SCAPER: variants seen among roughly 807,000 people sequenced by gnomAD.
SCAPER encodes S-phase cyclin A associated protein in the ER.
SCAPER carries 98 observed loss-of-function variants against 182.2 expected under a neutral mutation model. The observed-to-expected ratio is 0.54, with a 90% CI of 0.46 to 0.64. The LOEUF is 0.64. Ranked by LOEUF, SCAPER falls within the 30% of genes least tolerant of loss-of-function variation. SCAPER has a pLI of 0.00. For synonymous variants in SCAPER, 605 were observed against 564.6 expected (o/e 1.07, Z -1.01); for missense variants, 1,432 against 1,690.0 (o/e 0.85, Z 2.68).
intron 15 of SCAPER, among the ~76,000 whole-genome samples, chr15:76,747,981 CT>C (rs34827480): frequency 0.57 from 79,459 of 139,862 alleles, 23,931 homozygotes; most frequent in African/African-American, 0.73. Context: ...TATGGATATT[CT>C]TTTTTTTTTT....
intron 21 of SCAPER, among the ~76,000 whole-genome samples, chr15:76,625,910 T>C (rs2052529302): frequency 6.6e-6 from 1 of 151,834 alleles, no homozygotes. Context: ...GTCCAATCTT[T>C]TGGCTTCCCT....
intron 29 of SCAPER, among the ~76,000 whole-genome samples, chr15:76,370,855 C>G (rs2042117596): frequency 1.3e-5 from 2 of 152,076 alleles, no homozygotes; most frequent in Non-Finnish European, 2.9e-5. Context: ...TATGAGTCTC[C>G]CTGAATAAGG....
intron 27 of SCAPER, among the ~76,000 whole-genome samples, chr15:76,389,450 G>A (rs1469718899): frequency 2.3e-5 from 3 of 130,940 alleles, no homozygotes; most frequent in Non-Finnish European, 3.1e-5. Flanking sequence ...GCAGTGAGCC[G>A]AGTTTGCATT....
intron 22 of SCAPER, among the ~76,000 whole-genome samples, chr15:76,577,447 A>AG (rs1347383105): frequency 4.6e-5 from 7 of 152,116 alleles, no homozygotes; most frequent in Non-Finnish European, 7.4e-5. Context: ...ACCCTGTTTC[A>AG]AAAAGAAGAA....
intron 26 of SCAPER, among the ~76,000 whole-genome samples, chr15:76,431,400 A>G (rs1033887220): frequency 1.3e-5 from 2 of 152,116 alleles, no homozygotes; most frequent in African/African-American, 4.8e-5. Context: ...TGAAACAAAT[A>G]AAATAATAAG....
At chr15:76,560,057 G>A (rs1392514957) in intron 23 of SCAPER, among the ~76,000 whole-genome samples, 1 of 151,692 alleles carries the variant, frequency 6.6e-6, no homozygotes, top group South Asian at 2.1e-4. Context: ...TTCCCACTGA[G>A]TTTTATTTTT....
intron 15 of SCAPER, among the ~76,000 whole-genome samples, chr15:76,737,576 G>A (rs1283759215): frequency 6.6e-6 from 1 of 152,212 alleles, no homozygotes; most frequent in Non-Finnish European, 1.5e-5. Context: ...GTCACCAGCT[G>A]CATTAGCTCC....
chr15:76,706,737 T>G (rs2059282254), intron 17 of SCAPER, among the ~76,000 whole-genome samples: 1 of 152,056 alleles, frequency 6.6e-6, no homozygotes, highest in African/African-American at 2.4e-5. Context: ...AGTAGCATCT[T>G]TCTACTTTTT....
At chr15:76,858,644 T>C (rs945905670) in intron 3 of SCAPER, among the ~76,000 whole-genome samples, 3 of 152,136 alleles carry the variant, frequency 2.0e-5, no homozygotes, top group African/African-American at 7.2e-5. Context: ...GTAGGCCCTG[T>C]TGTCTTTTGC....
chr15:76,368,083 T>C (rs967911550), intron 29 of SCAPER, among the ~76,000 whole-genome samples: 1 of 152,246 alleles, frequency 6.6e-6, no homozygotes, highest in African/African-American at 2.4e-5. Context: ...AGCTGAATGC[T>C]TGTGTGACAG....
At chr15:76,478,066 T>TA (rs1395017557) in intron 24 of SCAPER, among the ~76,000 whole-genome samples, 2 of 152,020 alleles carry the variant, frequency 1.3e-5, no homozygotes, top group Non-Finnish European at 2.9e-5. Context: ...TTGAATATTA[T>TA]AAAAATATTC....
intron 2 of SCAPER, among the ~76,000 whole-genome samples, chr15:76,866,273 A>G (rs1316074978): frequency 2.6e-5 from 4 of 151,980 alleles, no homozygotes; most frequent in Admixed American, 2.6e-4. Flanking sequence ...GTGTGTGTGT[A>G]TATCAGGTCA....
chr15:76,743,216 G>C (rs979476025), intron 15 of SCAPER, among the ~76,000 whole-genome samples: 4 of 151,846 alleles, frequency 2.6e-5, no homozygotes, highest in African/African-American at 9.7e-5. Context: ...TTTGAATAAG[G>C]AAAAAAATAC....
At chr15:76,606,702 G>A (rs1250629563) in intron 22 of SCAPER, among the ~76,000 whole-genome samples, 3 of 151,570 alleles carry the variant, frequency 2.0e-5, no homozygotes, top group Non-Finnish European at 4.4e-5. Flanking sequence ...GGGTGCTCCT[G>A]TATTGGGTGC....
intron 28 of SCAPER, among the ~76,000 whole-genome samples, chr15:76,377,487 T>C (rs2042649204): frequency 6.6e-6 from 1 of 152,188 alleles, no homozygotes; most frequent in South Asian, 2.1e-4. Flanking sequence ...TAAGTTTGAA[T>C]ATAAAAATTA....
chr15:76,856,476 A>AT (rs1425199584), intron 4 of SCAPER, among the ~76,000 whole-genome samples: 2 of 151,030 alleles, frequency 1.3e-5, no homozygotes, highest in Non-Finnish European at 2.9e-5. Flanking sequence ...ATATGTGCAT[A>AT]TAAGTATATA....
intron 5 of SCAPER, among the ~76,000 whole-genome samples, chr15:76,820,531 T>C (rs969814956): frequency 7.8e-5 from 11 of 141,640 alleles, no homozygotes; most frequent in African/African-American, 2.9e-4. Context: ...TAGGTGGGAA[T>C]TGAACAATGA....
At chr15:76,588,944 G>A (rs1057294569) in intron 22 of SCAPER, among the ~76,000 whole-genome samples, 4 of 152,182 alleles carry the variant, frequency 2.6e-5, no homozygotes, top group African/African-American at 9.6e-5. Flanking sequence ...TTCCCTTGAT[G>A]TAGTACTCTC....
chr15:76,867,091 A>C (rs113919403), intron 2 of SCAPER, among the ~76,000 whole-genome samples: 6 of 152,312 alleles, frequency 3.9e-5, no homozygotes, highest in Admixed American at 1.3e-4. Flanking sequence ...CTTGCTCCCA[A>C]AGAAACTTCT....
Sources: allele counts gnomAD v4.1 joint callset (sites outside exome capture counted in the v4.1 genomes callset), GRCh38; gene constraint gnomAD v4.1.1; transcripts MANE v1.5; gene names NCBI Gene and HGNC (gene_info 2026-07-23, HGNC 2026-07-21).